STAC3: variants seen among roughly 807,000 people sequenced by gnomAD.
The protein encoded by STAC3 is SH3 and cysteine-rich domain-containing protein 3.
A neutral mutation model predicts 48.5 loss-of-function variants in STAC3; 30 were observed. That is an observed-to-expected ratio of 0.62 (90% CI 0.46 to 0.84). STAC3 has a LOEUF of 0.84. STAC3 is among the 40% of genes least tolerant of loss of function. The pLI is 0.00. For missense variants in STAC3, 419 were observed against 462.6 expected (o/e 0.91, Z 0.86); for synonymous variants, 144 against 158.6 (o/e 0.91, Z 0.69).
At chr12:57,250,389 C>CAA (rs58777318) in intron 1 of STAC3, among the ~76,000 whole-genome samples, 811 of 42,378 alleles carry the variant, frequency 0.019, 101 homozygotes, top group Non-Finnish European at 0.024. Context: ...GACTTCGTCT[C>CAA]AAAAAAAAAA....
At chr12:57,248,559 G>C in intron 4 of STAC3, 147 bp downstream of exon 4, 1 of 646,310 alleles carries the variant, frequency 1.5e-6, no homozygotes, top group Non-Finnish European at 2.7e-6. Context: ...TTTGTATTTA[G>C]AGACGGGGTT....
intron 7 of STAC3, 84 bp from the exon 8 acceptor site, chr12:57,245,049 A>G (rs1171136399): frequency 6.2e-7 from 1 of 1,602,704 alleles, no homozygotes; most frequent in Non-Finnish European, 8.5e-7. Flanking sequence ...GGCCTCGTCT[A>G]TCCAAAGCTG....
intron 2 of STAC3, 35 bp downstream of exon 2, chr12:57,249,536 C>CA (rs775729349): frequency 3.2e-5 from 49 of 1,526,402 alleles, no homozygotes; most frequent in Middle Eastern, 3.6e-4. Context: ...GGCTTCCCAG[C>CA]CCCCCACACC....
Position 57,246,785 on chromosome 12 carries a change from G to C in STAC3, c.603+19C>G. 1 of 1,599,488 alleles carries C rather than the reference G, an allele frequency of 6.3e-7. No homozygotes were observed. The highest frequency in any genetic ancestry group is 8.6e-7 in the Non-Finnish European group (1 of 1,166,912). ...ATGGGATCTCTGGGAGGGACCTCGT[G>C]GGGAGGTACAGTGCTCACATTTTTC... On this transcript the variant is annotated intron_variant, in intron 6 of 11. Coordinates refer to ENST00000332782, the MANE Select transcript of STAC3 (RefSeq NM_145064.3).
Position 57,243,778 on chromosome 12 carries a change from T to C in STAC3, c.*34A>G, listed in dbSNP as rs1276877722. 6.3e-7 allele frequency: 1 copy of C among 1,590,920 alleles called. No individual in the cohort carries two copies. The highest frequency in any genetic ancestry group is 2.2e-5 in the East Asian group (1 of 44,628). On this transcript the variant is annotated 3_prime_UTR_variant, in exon 12 of 12. Coordinates refer to ENST00000332782, the MANE Select transcript of STAC3 (RefSeq NM_145064.3). ...TCCACTGGGCCCGCCCAGAATGGGGTGTGGGTGTCTCCCGCTTGCAGGCGC... is the reference window on the plus strand; with the variant it reads ...TCCACTGGGCCCGCCCAGAATGGGGCGTGGGTGTCTCCCGCTTGCAGGCGC...
Position 57,249,098 on chromosome 12 carries a change from T to G in STAC3, c.277A>C (p.Lys93Gln). ...KLVNDKPHKFKDHFFKKPKFC... is the reference protein window; with the variant it reads ...KLVNDKPHKFQDHFFKKPKFC... ...TTTGGCTTCTTGAAGAAGTGATCTT[T>G]GAATTTGTGGGGCTTATCGTTGACC... The change falls in exon 3 of 12, where the codon AAA becomes CAA. Residue 93 changes from lysine (K) to glutamine (Q), a missense_variant. By Grantham distance (53) the Lys-to-Gln change is moderately conservative (BLOSUM62 1). Transcript: ENST00000332782. 6.2e-7 allele frequency: 1 copy of G among 1,611,866 alleles called. No homozygotes were observed. The highest frequency in any genetic ancestry group is 8.5e-7 in the Non-Finnish European group (1 of 1,178,946).
intron 6 of STAC3, among the ~76,000 whole-genome samples, chr12:57,245,816 A>C (rs1051912111): frequency 6.6e-6 from 1 of 151,786 alleles, no homozygotes; most frequent in Non-Finnish European, 1.5e-5. Flanking sequence ...GTAAGTAAAA[A>C]GTGAGCAGCA....
At chr12:57,246,109 C>CAAAAAAAA (rs71084732) in intron 6 of STAC3, among the ~76,000 whole-genome samples, 2 of 80,260 alleles carry the variant, frequency 2.5e-5, no homozygotes, top group South Asian at 4.4e-4. Flanking sequence ...AACTCTATCT[C>CAAAAAAAA]AAAAAAAAAA....
chr12:57,249,239 G>C lies in STAC3; in HGVS notation c.136C>G (p.Pro46Ala), dbSNP rs2037841177. ...GTKEMELPPE[P>A]QANGEAVGAG... Reference sequence around the variant, plus strand: ...CCCACTGCCTCCCCATTGGCCTGGGGCTCTGGGGGAAGTTCCATCTCCTTT... The same window carrying C: ...CCCACTGCCTCCCCATTGGCCTGGGCCTCTGGGGGAAGTTCCATCTCCTTT... The change falls in exon 3 of 12, where the codon CCC becomes GCC. Residue 46 changes from proline (P) to alanine (A), a missense_variant. Pro to Ala is a conservative substitution (Grantham distance 27). Transcript: ENST00000332782. 1.2e-6 allele frequency: 2 copies of C among 1,613,980 alleles called. No individual in the cohort carries two copies. The highest frequency in any genetic ancestry group is 1.7e-6 in the Non-Finnish European group (2 of 1,179,966).
intron 5 of STAC3, among the ~76,000 whole-genome samples, chr12:57,247,428 A>ATTT (rs367784960): frequency 1.5e-3 from 89 of 58,526 alleles, no homozygotes; most frequent in South Asian, 5.9e-3. Context: ...TATTATTATT[A>ATTT]TTTTTTTTTT....
At chr12:57,244,400 G>A (rs1247274583) in intron 9 of STAC3, 34 bp from the exon 10 acceptor site, 2 of 1,613,856 alleles carry the variant, frequency 1.2e-6, no homozygotes, top group East Asian at 2.2e-5. Flanking sequence ...CACTCACATA[G>A]CAGGTCCCCT....
At chr12:57,247,416 A>ATTTTTTTTTTTTTTTT (rs1565781925) in intron 5 of STAC3, among the ~76,000 whole-genome samples, 1 of 47,988 alleles carries the variant, frequency 2.1e-5, no homozygotes, top group African/African-American at 8.2e-5. Context: ...TATTATTATT[A>ATTTTTTTTTTTTTTTT]TTATTATTAT....
intron 7 of STAC3, 27 bp downstream of exon 7, chr12:57,245,118 C>G: frequency 6.2e-7 from 1 of 1,613,686 alleles, no homozygotes; most frequent in Non-Finnish European, 8.5e-7. Context: ...CCTACTCCAT[C>G]TCTGGATGGA....
Position 57,246,876 on chromosome 12 carries a change from C to T in STAC3, c.531G>A (p.Val177=). ...DLSAANRNDP[V]FETLRTGVIM... ...TCACCCCAGTGCGCAGGGTTTCAAA[C>T]ACAGGATCATTGCGATTGGCAGCAG... The change falls in exon 6 of 12, where the codon GTG becomes GTA. Residue 177 remains valine (V), a synonymous_variant. Coordinates refer to ENST00000332782, the MANE Select transcript of STAC3 (RefSeq NM_145064.3). 6.2e-7 allele frequency: 1 copy of T among 1,613,890 alleles called. No homozygotes were observed. The highest frequency in any genetic ancestry group is 8.5e-7 in the Non-Finnish European group (1 of 1,179,864).
In STAC3 at chr12:57,248,350, G is replaced by A. The variant is rs2037809314; in HGVS notation, c.433-152C>T. 6 of 679,162 alleles carry A rather than the reference G, an allele frequency of 8.8e-6. No individual in the cohort carries two copies. In the East Asian group the frequency reaches 1.3e-4, roughly 15 times the overall value. The allele number at this position is 679,162 out of a possible 1,614,324, so 42.1% of individuals were successfully genotyped here. A position where few individuals can be genotyped will look rare whatever the true frequency, so the allele number is the denominator to read the frequency against. On this transcript the variant is annotated intron_variant, in intron 4 of 11. Transcript: ENST00000332782. ...ATGGGATGGAGGAGAGACCAGCAAG[G>A]GGTAGCTGGCTGGTGACATGTCCCC...
chr12:57,244,046 G>A, intron 11 of STAC3, 42 bp downstream of exon 11: 3 of 1,613,588 alleles, frequency 1.9e-6, no homozygotes, highest in Non-Finnish European at 2.5e-6. Context: ...TGGTGGGCTA[G>A]GGAGCATTCA....
At chr12:57,249,336 T>C (rs2037844056) in intron 2 of STAC3, 28 bp from the exon 3 acceptor site, 4 of 1,549,160 alleles carry the variant, frequency 2.6e-6, no homozygotes, top group Non-Finnish European at 3.5e-6. Context: ...GAAAACCCAA[T>C]GTTAAAAGGA....
intron 6 of STAC3, among the ~76,000 whole-genome samples, chr12:57,246,577 G>A (rs2037747074): frequency 6.6e-6 from 1 of 151,962 alleles, no homozygotes; most frequent in Non-Finnish European, 1.5e-5. Flanking sequence ...GTAGAGACAG[G>A]GTTTCACCAC....
At position 57,248,171 on chromosome 12, in the gene STAC3, A is replaced by C; in HGVS notation, c.460T>G (p.Ser154Ala). ...TACTGCTGGTTGCTGTAGAGTGGGG[A>C]ACTATAGGCCCGATGGAAACCAGGT... Reference protein sequence around the residue: ...IPPGFHRAYSSPLYSNQQYAC... With the variant: ...IPPGFHRAYSAPLYSNQQYAC... Residue 154 changes from serine to alanine, a missense_variant, in exon 5 of 12, where the codon TCC becomes GCC. Physicochemically the swap from Ser to Ala is moderately conservative, Grantham distance 99. Coordinates refer to ENST00000332782, the MANE Select transcript of STAC3 (RefSeq NM_145064.3). 6.2e-7 allele frequency: 1 copy of C among 1,614,068 alleles called. No individual in the cohort carries two copies. Among genetic ancestry groups the C allele is most frequent in the Non-Finnish European group, 8.5e-7 (1 of 1,179,982 alleles).
Sources: gnomAD v4.1 joint callset for allele counts (sites outside exome capture counted in the v4.1 genomes callset) on GRCh38, gnomAD v4.1.1 for gene constraint, MANE v1.5 for transcripts, NCBI Gene and HGNC (gene_info 2026-07-23, HGNC 2026-07-21) for gene names.